The following HEMK2 variants were observed in gnomAD, a reference collection of about 807,000 sequenced individuals.
HEMK2 encodes the protein methyltransferase HEMK2.
the HEMK2 span, among the ~76,000 whole-genome samples, chr21:28,819,580 C>G: frequency 4.8e-4 from 55 of 114,948 alleles, 1 homozygote; most frequent in Admixed American, 6.5e-3. Context: ...GAGTCTTAAT[C>G]TGTCGCCAGG....
chr21:28,664,080 G>A, the HEMK2 span, among the ~76,000 whole-genome samples: 326 of 152,184 alleles, frequency 2.1e-3, 1 homozygote, highest in Admixed American at 2.9e-3. Flanking sequence ...AAAATAAAAC[G>A]TGTAGACATT....
the HEMK2 span, among the ~76,000 whole-genome samples, chr21:28,724,472 G>C: frequency 6.6e-6 from 1 of 152,302 alleles, no homozygotes; most frequent in Non-Finnish European, 1.5e-5. Flanking sequence ...AGCTAAGGGG[G>C]AAAACCTGCT....
chr21:28,815,617 C>T, the HEMK2 span, among the ~76,000 whole-genome samples: 2 of 152,036 alleles, frequency 1.3e-5, no homozygotes, highest in South Asian at 2.1e-4. Flanking sequence ...CATTCCATGC[C>T]TCCAACACAT....
At chr21:28,843,180 G>T in the HEMK2 span, among the ~76,000 whole-genome samples, 1 of 152,080 alleles carries the variant, frequency 6.6e-6, no homozygotes, top group Non-Finnish European at 1.5e-5. Flanking sequence ...ATTATGCACA[G>T]CCCTGTATTA....
At chr21:28,691,711 T>TACC in the HEMK2 span, among the ~76,000 whole-genome samples, 1 of 35,314 alleles carries the variant, frequency 2.8e-5, no homozygotes, top group Non-Finnish European at 4.2e-5. Flanking sequence ...ATAGTGATGT[T>TACC]ACGATTCAAC....
the HEMK2 span, among the ~76,000 whole-genome samples, chr21:28,726,643 C>T: frequency 6.6e-6 from 1 of 152,188 alleles, no homozygotes; most frequent in African/African-American, 2.4e-5. Flanking sequence ...CACAGTGGCT[C>T]ATGCCCGTAA....
the HEMK2 span, among the ~76,000 whole-genome samples, chr21:28,723,117 C>T: frequency 1.3e-5 from 2 of 152,138 alleles, no homozygotes; most frequent in Non-Finnish European, 2.9e-5. Flanking sequence ...AGAAGCAATC[C>T]CCTGCCTCAG....
At chr21:28,845,555 T>C in the HEMK2 span, among the ~76,000 whole-genome samples, 1 of 152,122 alleles carries the variant, frequency 6.6e-6, no homozygotes, top group Non-Finnish European at 1.5e-5. Flanking sequence ...TTCTATTCAA[T>C]GTGATATGCC....
chr21:28,622,282 G>T, the HEMK2 span, among the ~76,000 whole-genome samples: 1 of 152,126 alleles, frequency 6.6e-6, no homozygotes, highest in Non-Finnish European at 1.5e-5. Flanking sequence ...CAGATGTGAA[G>T]AAACTCTTCA....
the HEMK2 span, among the ~76,000 whole-genome samples, chr21:28,703,779 T>A: frequency 6.6e-6 from 1 of 152,190 alleles, no homozygotes; most frequent in African/African-American, 2.4e-5. Context: ...TTTATAGAAG[T>A]ACATTCGTCC....
the HEMK2 span, among the ~76,000 whole-genome samples, chr21:28,788,151 T>C: frequency 5.3e-5 from 8 of 150,540 alleles, no homozygotes; most frequent in African/African-American, 1.9e-4. Context: ...AATATACATA[T>C]ATGTATACAT....
the HEMK2 span, among the ~76,000 whole-genome samples, chr21:28,750,968 C>G: frequency 6.6e-6 from 1 of 152,104 alleles, no homozygotes; most frequent in Admixed American, 6.5e-5. Context: ...CGGTGGCTCA[C>G]GCCTGTAATC....
chr21:28,748,954 C>T, the HEMK2 span, among the ~76,000 whole-genome samples: 29,445 of 152,024 alleles, frequency 0.19, 3,559 homozygotes, highest in African/African-American at 0.34. Context: ...AATATTATTG[C>T]CCAATAAACA....
At chr21:28,845,459 C>T in the HEMK2 span, among the ~76,000 whole-genome samples, 68 of 152,144 alleles carry the variant, frequency 4.5e-4, no homozygotes, top group African/African-American at 1.6e-3. Flanking sequence ...CCAATCATAC[C>T]TCCAAAGAAT....
At chr21:28,789,793 G>C in the HEMK2 span, among the ~76,000 whole-genome samples, 1 of 152,210 alleles carries the variant, frequency 6.6e-6, no homozygotes, top group Non-Finnish European at 1.5e-5. Flanking sequence ...AACCAAAGTA[G>C]ATAAGGCCCT....
chr21:28,879,103 G>A, the HEMK2 span, among the ~76,000 whole-genome samples: 1 of 10,794 alleles, frequency 9.3e-5, no homozygotes, highest in African/African-American at 3.5e-4. Context: ...TTTTTTTTTA[G>A]AGACAGGGTC....
At chr21:28,671,419 C>T in the HEMK2 span, 2 of 152,240 alleles carry the variant, frequency 1.3e-5, no homozygotes, top group African/African-American at 4.8e-5. Flanking sequence ...CTTTTGCAGG[C>T]AACCTCTTCC....
At chr21:28,670,856 G>A in the HEMK2 span, 3 of 152,148 alleles carry the variant, frequency 2.0e-5, no homozygotes, top group South Asian at 6.2e-4. Flanking sequence ...ATCTTGGTGT[G>A]AACTCTCTCA....
At chr21:28,792,077 A>G in the HEMK2 span, among the ~76,000 whole-genome samples, 2 of 152,322 alleles carry the variant, frequency 1.3e-5, no homozygotes, top group African/African-American at 4.8e-5. Context: ...TACCAATGTC[A>G]GGACAGTTTA....
Sources: gnomAD v4.1 joint callset for allele counts (sites outside exome capture counted in the v4.1 genomes callset) on GRCh38, gnomAD v4.1.1 for gene constraint, MANE v1.5 for transcripts, NCBI Gene and HGNC (gene_info 2026-07-23, HGNC 2026-07-21) for gene names.